The following KCTD10 variants were observed in gnomAD, a reference collection of about 807,000 sequenced individuals.
KCTD10 encodes BTB/POZ domain-containing adapter for CUL3-mediated RhoA degradation protein 3.
KCTD10 carries 13 observed loss-of-function variants against 34.6 expected under a neutral mutation model. The ratio of observed to expected loss-of-function variants is 0.38; its 90% CI spans 0.24 to 0.60. The LOEUF (loss-of-function observed/expected upper bound fraction) is 0.60, where lower values mean the gene tolerates loss of function less well. KCTD10 is among the 20% of genes least tolerant of loss of function. KCTD10 has a pLI of 0.66. For synonymous variants in KCTD10, 156 were observed against 168.8 expected, an observed-to-expected ratio of 0.92 and a Z score of 0.59; for missense variants, 256 against 420.3, an observed-to-expected ratio of 0.61 and a Z score of 3.42.
intron 2 of KCTD10, among the ~76,000 whole-genome samples, chr12:109,464,167 T>A (rs554761003): frequency 1.3e-5 from 2 of 152,162 alleles, no homozygotes; most frequent in Admixed American, 6.5e-5. Flanking sequence ...GTATTTATAC[T>A]CTATATTTTT....
At chr12:109,467,315 G>C (rs1873637475) in intron 2 of KCTD10, among the ~76,000 whole-genome samples, 1 of 152,216 alleles carries the variant, frequency 6.6e-6, no homozygotes, top group African/African-American at 2.4e-5. Context: ...TTATGGTGAG[G>C]ATTAAATGAA....
At chr12:109,458,133 T>A in intron 3 of KCTD10, 55 bp from the exon 4 acceptor site, 1 of 1,436,130 alleles carries the variant, frequency 7.0e-7, no homozygotes, top group Non-Finnish European at 9.8e-7. Flanking sequence ...ACTGCATTTT[T>A]AAAGTTGACC....
At chr12:109,475,175 T>C (rs551911678) in intron 1 of KCTD10, among the ~76,000 whole-genome samples, 8 of 152,074 alleles carry the variant, frequency 5.3e-5, no homozygotes, top group Admixed American at 4.6e-4. Context: ...TGCGTGTGCT[T>C]AAAAAACATG....
intron 2 of KCTD10, among the ~76,000 whole-genome samples, chr12:109,466,777 C>T (rs1019291610): frequency 1.3e-5 from 2 of 152,250 alleles, no homozygotes; most frequent in South Asian, 2.1e-4. Context: ...AACCAGCAAG[C>T]TGTACTGCTG....
chr12:109,456,071 GTGTGT>G (rs1566052471), intron 6 of KCTD10, 42 bp downstream of exon 6: 1 of 1,564,380 alleles, frequency 6.4e-7, no homozygotes, highest in African/African-American at 1.4e-5. Flanking sequence ...TTCTATAGGT[GTGTGT>G]TTCAGAACAG....
intron 2 of KCTD10, among the ~76,000 whole-genome samples, chr12:109,461,290 C>G (rs536984116): frequency 3.9e-5 from 6 of 152,348 alleles, no homozygotes; most frequent in African/African-American, 1.4e-4. Flanking sequence ...CCCTCGCAGA[C>G]TGTGACCTCT....
chr12:109,462,026 G>C (rs11066718), intron 2 of KCTD10, among the ~76,000 whole-genome samples: 12,982 of 152,206 alleles, frequency 0.085, 1,292 homozygotes, highest in African/African-American at 0.24. Context: ...GTCCTCCTCA[G>C]ACTGGGCCCT....
intron 2 of KCTD10, among the ~76,000 whole-genome samples, chr12:109,461,465 G>A (rs1873324064): frequency 6.6e-6 from 1 of 152,172 alleles, no homozygotes; most frequent in Non-Finnish European, 1.5e-5. Context: ...TATTGGATAT[G>A]GAAAAAGGTC....
At chr12:109,459,145 GTGGAA>G (rs1873183054) in intron 3 of KCTD10, 2 of 151,600 alleles carry the variant, frequency 1.3e-5, no homozygotes, top group South Asian at 4.2e-4. Flanking sequence ...TGAGCACGCT[GTGGAA>G]AGCAGGGCAT....
At chr12:109,455,698 C>T (rs1872978381) in intron 6 of KCTD10, among the ~76,000 whole-genome samples, 1 of 152,222 alleles carries the variant, frequency 6.6e-6, no homozygotes, top group African/African-American at 2.4e-5. Flanking sequence ...AGACAGAAAA[C>T]CCAATTGCAG....
At chr12:109,453,288 T>C (rs571314732) in intron 6 of KCTD10, among the ~76,000 whole-genome samples, 37 of 151,584 alleles carry the variant, frequency 2.4e-4, no homozygotes, top group African/African-American at 9.0e-4. Context: ...CTACTGGGCT[T>C]AAATGATTCT....
Position 109,451,876 on chromosome 12 carries a change from C to T in KCTD10, c.724-63G>A, listed in dbSNP as rs993199963. On this transcript the variant is annotated intron_variant, in intron 6 of 6. Coordinates refer to ENST00000228495, the MANE Select transcript of KCTD10 (RefSeq NM_031954.5). The surrounding 1 kb of genome is among the most constrained non-coding windows in gnomAD (Gnocchi z 5.0). ...CCCACCCCCTCTGCCAACACCTGGACTTTAAGCAGGGCCGCCAGGCTAAAT... is the reference window on the plus strand; with the variant it reads ...CCCACCCCCTCTGCCAACACCTGGATTTTAAGCAGGGCCGCCAGGCTAAAT... 2.8e-6 allele frequency: 4 copies of T among 1,444,904 alleles called. No individual in the cohort carries two copies. The highest frequency in any genetic ancestry group is 3.7e-6 in the Non-Finnish European group (4 of 1,072,446). The allele number at this position is 1,444,904 out of a possible 1,614,324, so 89.5% of individuals were successfully genotyped here.
intron 1 of KCTD10, 115 bp downstream of exon 1, chr12:109,477,145 C>T (rs993911006): frequency 7.5e-6 from 10 of 1,325,814 alleles, no homozygotes; most frequent in Non-Finnish European, 9.3e-6. Flanking sequence ...TGCCTCTCCA[C>T]TATCGTGACT....
chr12:109,477,083 C>T lies in KCTD10; in HGVS notation c.3+177G>A, dbSNP rs556619380. On this transcript the variant is annotated intron_variant, in intron 1 of 6. Transcript: ENST00000228495. Reference sequence around the variant, plus strand: ...ACCACCACCCCCGCCCCTAATTCTCCACCCAAAGCCCTTCCCCCACCCCGG... The same window carrying T: ...ACCACCACCCCCGCCCCTAATTCTCTACCCAAAGCCCTTCCCCCACCCCGG... 4.4e-4 allele frequency among the ~76,000 whole-genome samples: 67 copies of T among 151,614 alleles called. 1 individual carries two copies. Among genetic ancestry groups the T allele is most frequent in the Admixed American group, 2.4e-3 (37 of 15,172 alleles).
In KCTD10 at chr12:109,469,632, C is replaced by G; in HGVS notation, c.100G>C (p.Val34Leu). 6.2e-7 allele frequency: 1 copy of G among 1,614,192 alleles called. No individual in the cohort carries two copies. The highest frequency in any genetic ancestry group is 8.5e-7 in the Non-Finnish European group (1 of 1,180,030). Residue 34 changes from valine (V) to leucine (L), a missense_variant, in exon 2 of 7, where the codon GTG becomes CTG. Val to Leu is a conservative substitution (Grantham distance 32). Coordinates refer to ENST00000228495, the MANE Select transcript of KCTD10 (RefSeq NM_031954.5). ...FKGTSPSSKY[V>L]KLNVGGALYY... is the part of the protein sequence containing the mutation. ...AGGGCTCCACCCACATTCAGCTTCA[C>G]GTATTTGGAGCTGGGGCTCGTGCCC...
chr12:109,468,595 G>C (rs1044126529), intron 2 of KCTD10, among the ~76,000 whole-genome samples: 16 of 151,590 alleles, frequency 1.1e-4, no homozygotes, highest in African/African-American at 3.9e-4. Context: ...GGGGCTCTTT[G>C]ATCATTCCAG....
intron 2 of KCTD10, 154 bp downstream of exon 2, chr12:109,469,361 T>C (rs995803547): frequency 1.5e-5 from 12 of 822,612 alleles, no homozygotes; most frequent in Non-Finnish European, 1.9e-5. Context: ...CAAAGTAACA[T>C]AGCAAATCAA....
At chr12:109,464,374 G>A (rs61941584) in intron 2 of KCTD10, among the ~76,000 whole-genome samples, 12,982 of 152,108 alleles carry the variant, frequency 0.085, 1,299 homozygotes, top group African/African-American at 0.24. Context: ...TTGCATCCCT[G>A]GCCTCTACTC....
At chr12:109,457,878 C>T (rs775908682) in intron 4 of KCTD10, 114 bp downstream of exon 4, 12 of 1,052,844 alleles carry the variant, frequency 1.1e-5, no homozygotes, top group Non-Finnish European at 1.8e-5. Flanking sequence ...ACTGTGAACC[C>T]ATTATCAGGC....
Sources: allele counts gnomAD v4.1 joint callset (sites outside exome capture counted in the v4.1 genomes callset), GRCh38; gene constraint gnomAD v4.1.1; non-coding constraint Gnocchi (gnomAD v3.1); transcripts MANE v1.5; gene names NCBI Gene and HGNC (gene_info 2026-07-23, HGNC 2026-07-21).